MDGA2: variants seen among roughly 807,000 people sequenced by gnomAD.
MDGA2 encodes the protein MAM domain containing glycosylphosphatidylinositol anchor 2.
MDGA2 carries 40 observed loss-of-function variants against 117.8 expected under a neutral mutation model. The ratio of observed to expected loss-of-function variants is 0.34; its 90% CI spans 0.26 to 0.44. MDGA2 has a LOEUF of 0.44. Ranked by LOEUF, MDGA2 falls within the 20% of genes least tolerant of loss-of-function variation. MDGA2 has a pLI of 1.00. For missense variants in MDGA2, 1,123 were observed against 1,250.6 expected (o/e 0.90, Z 1.54); for synonymous variants, 452 against 439.0 (o/e 1.03, Z -0.37).
At chr14:47,069,686 C>A (rs1054195413) in intron 6 of MDGA2, among the ~76,000 whole-genome samples, 1 of 152,066 alleles carries the variant, frequency 6.6e-6, no homozygotes, top group Non-Finnish European at 1.5e-5. Context: ...CTTTTGCTGC[C>A]CATGTTAGAA....
In MDGA2 at chr14:46,852,372, C is replaced by A. The variant is rs962566515; in HGVS notation, c.2883+2652G>T. On this transcript the variant is annotated intron_variant, in intron 15 of 16. Coordinates refer to ENST00000399232, the MANE Select transcript of MDGA2 (RefSeq NM_001113498.3). ...TCTTGACCAATACAAAGTTTTAGGC[C>A]ATGGTGCAAGTAGAGGAAAAGAAGG... Among the ~76,000 whole-genome samples the A allele has an allele frequency of 4.1e-4, 62 of 151,058 alleles. 1 individual carries two copies. In the Middle Eastern group the frequency reaches 0.01, roughly 25 times the overall value.
At chr14:46,968,820 G>C (rs1161681929) in intron 8 of MDGA2, among the ~76,000 whole-genome samples, 1 of 144,506 alleles carries the variant, frequency 6.9e-6, no homozygotes, top group Admixed American at 7.1e-5. Context: ...CTAGGAAACA[G>C]AGCAAGACTC....
At chr14:46,928,733 T>C (rs973593690) in intron 9 of MDGA2, among the ~76,000 whole-genome samples, 1 of 152,206 alleles carries the variant, frequency 6.6e-6, no homozygotes, top group African/African-American at 2.4e-5. Flanking sequence ...TATCTTTTAA[T>C]ACCAAAATCA....
At chr14:47,577,320 C>T (rs1477753770) in intron 1 of MDGA2, among the ~76,000 whole-genome samples, 1 of 151,914 alleles carries the variant, frequency 6.6e-6, no homozygotes. Flanking sequence ...AATGTAAAAC[C>T]CCAAACCATA....
intron 10 of MDGA2, among the ~76,000 whole-genome samples, chr14:46,902,192 A>G (rs1883313641): frequency 6.6e-6 from 1 of 152,170 alleles, no homozygotes; most frequent in African/African-American, 2.4e-5. Flanking sequence ...ATTTTTTTCA[A>G]CAGTACCACC....
chr14:47,439,921 A>C (rs1892971403), intron 1 of MDGA2, among the ~76,000 whole-genome samples: 1 of 152,086 alleles, frequency 6.6e-6, no homozygotes, highest in Non-Finnish European at 1.5e-5. Context: ...AATAAAAAGC[A>C]GACTTACTTT....
chr14:47,379,265 A>G (rs556724228), intron 1 of MDGA2, among the ~76,000 whole-genome samples: 16 of 152,352 alleles, frequency 1.1e-4, no homozygotes, highest in Non-Finnish European at 1.8e-4. Context: ...AAAACATGCC[A>G]AATTGTAAAG....
rs148241463 is a variant in MDGA2 at position 47,316,274 on chromosome 14, T to G, written c.281-14724A>C. Reference sequence around the variant, plus strand: ...TGGAGCAAACATGTGAAAAGTAATATTATTGCTCATTACTAAAAAACATTA... The same window carrying G: ...TGGAGCAAACATGTGAAAAGTAATAGTATTGCTCATTACTAAAAAACATTA... On this transcript the variant is annotated intron_variant, in intron 1 of 16. Transcript: ENST00000399232. 4.6e-3 allele frequency among the ~76,000 whole-genome samples: 696 copies of G among 152,230 alleles called. 6 individuals carry two copies. The highest frequency in any genetic ancestry group is 0.023 in the South Asian group (112 of 4,824).
chr14:47,526,773 C>A (rs1298891609), intron 1 of MDGA2, among the ~76,000 whole-genome samples: 2 of 152,160 alleles, frequency 1.3e-5, no homozygotes, highest in Admixed American at 6.6e-5. Context: ...CTCTCTCCAA[C>A]CCAGCAAGTC....
rs562266582 is a variant in MDGA2, at chr14:47,494,997, T to A, written c.280+179520A>T. 1.2e-4 allele frequency among the ~76,000 whole-genome samples: 18 copies of A among 151,968 alleles called. No homozygotes were observed. In the East Asian group the frequency reaches 3.5e-3, roughly 29 times the overall value. On this transcript the variant is annotated intron_variant, in intron 1 of 16. Coordinates refer to ENST00000399232, the MANE Select transcript of MDGA2 (RefSeq NM_001113498.3). ...ACATTTATTCAGTAGTATTCTATAG[T>A]GTATGTATGTGTGTGTATACATTAG...
chr14:47,049,708 TGAC>T (rs1367164242), intron 7 of MDGA2, among the ~76,000 whole-genome samples: 1 of 152,058 alleles, frequency 6.6e-6, no homozygotes, highest in African/African-American at 2.4e-5. Flanking sequence ...TATAGAGGGC[TGAC>T]TGTATTTCCT....
At chr14:46,980,497 A>T (rs1238837810) in intron 8 of MDGA2, among the ~76,000 whole-genome samples, 1 of 152,196 alleles carries the variant, frequency 6.6e-6, no homozygotes, top group Non-Finnish European at 1.5e-5. Context: ...TTCATTGATA[A>T]AGCAGTGGCA....
intron 1 of MDGA2, among the ~76,000 whole-genome samples, chr14:47,559,697 C>T (rs1895759003): frequency 6.6e-6 from 1 of 151,840 alleles, no homozygotes; most frequent in South Asian, 2.1e-4. Context: ...CTCAGCCTCC[C>T]GAGTAGCTAG....
In MDGA2 at chr14:47,171,952, G is replaced by A. The variant is rs181441755; in HGVS notation, c.596-27678C>T. Reference sequence around the variant, plus strand: ...CGGGTCATTCCCACCCTAATACTGCGCTTTTCCGACGGGCTTAAAAAACGG... The same window carrying A: ...CGGGTCATTCCCACCCTAATACTGCACTTTTCCGACGGGCTTAAAAAACGG... On this transcript the variant is annotated intron_variant, in intron 3 of 16. Coordinates refer to ENST00000399232, the MANE Select transcript of MDGA2 (RefSeq NM_001113498.3). Among the ~76,000 whole-genome samples, 8 of 152,258 alleles carry A rather than the reference G, an allele frequency of 5.3e-5. No homozygotes were observed. In the East Asian group the frequency reaches 1.4e-3, roughly 26 times the overall value.
chr14:47,166,780 G>C (rs1005668129), intron 3 of MDGA2, among the ~76,000 whole-genome samples: 11 of 152,124 alleles, frequency 7.2e-5, no homozygotes, highest in African/African-American at 2.7e-4. Flanking sequence ...TGACGTAAGA[G>C]CATATTACAC....
intron 1 of MDGA2, among the ~76,000 whole-genome samples, chr14:47,654,865 G>A (rs563774015): frequency 2.0e-5 from 3 of 152,176 alleles, no homozygotes; most frequent in Non-Finnish European, 4.4e-5. Context: ...GTGTGTATAT[G>A]AATTGATTCT....
At chr14:47,469,559 G>A (rs1893677594) in intron 1 of MDGA2, among the ~76,000 whole-genome samples, 1 of 152,028 alleles carries the variant, frequency 6.6e-6, no homozygotes, top group African/African-American at 2.4e-5. Context: ...ATCGTTGTTG[G>A]ACATTTGGGT....
chr14:47,230,852 T>G (rs1183393255), intron 2 of MDGA2, among the ~76,000 whole-genome samples: 1 of 151,904 alleles, frequency 6.6e-6, no homozygotes, highest in African/African-American at 2.4e-5. Context: ...GTAGCCCAAT[T>G]TAGGACCAAT....
At chr14:46,864,735 T>C (rs1420408947) in intron 14 of MDGA2, among the ~76,000 whole-genome samples, 1 of 151,878 alleles carries the variant, frequency 6.6e-6, no homozygotes, top group Non-Finnish European at 1.5e-5. Flanking sequence ...GACTAATTCT[T>C]AACAGAAAGC....
Sources: allele counts gnomAD v4.1 joint callset (sites outside exome capture counted in the v4.1 genomes callset), GRCh38; gene constraint gnomAD v4.1.1; transcripts MANE v1.5; gene names NCBI Gene and HGNC (gene_info 2026-07-23, HGNC 2026-07-21).